The following GABRB3 variants were observed in gnomAD, a reference collection of about 807,000 sequenced individuals.
GABRB3 encodes the protein gamma-aminobutyric acid type A receptor subunit beta3.
GABRB3 carries 14 observed loss-of-function variants against 52.1 expected under a neutral mutation model. The ratio of observed to expected loss-of-function variants is 0.27; its 90% CI spans 0.18 to 0.42. The LOEUF (loss-of-function observed/expected upper bound fraction) is 0.42. Ranked by LOEUF, GABRB3 falls within the 10% of genes least tolerant of loss-of-function variation. The pLI is 1.00. For synonymous variants in GABRB3, 260 were observed against 232.3 expected (o/e 1.12, Z -1.08); for missense variants, 307 against 609.1 (o/e 0.50, Z 5.22).
chr15:26,652,086 A>C lies in GABRB3; in HGVS notation c.241-30552T>G, dbSNP rs950655179. On this transcript the variant is annotated intron_variant, in intron 3 of 8. Transcript: ENST00000311550. ...CCTATGAGCCTTCCTCTACATAACA[A>C]GAGCCTTAGCCCCACAACCCCCTTA... is the stretch of plus-strand genomic sequence containing the variant. Among the ~76,000 whole-genome samples, 8 of 152,272 alleles carry C rather than the reference A, an allele frequency of 5.3e-5. No homozygotes were observed. The East Asian group carries it at 5.8e-4, about 11-fold the overall frequency.
At chr15:26,553,943 T>C (rs1472036069) in intron 8 of GABRB3, among the ~76,000 whole-genome samples, 3 of 143,998 alleles carry the variant, frequency 2.1e-5, no homozygotes, top group Non-Finnish European at 3.0e-5. Context: ...GGCGTGACCA[T>C]AGCTCACAGC....
intron 4 of GABRB3, among the ~76,000 whole-genome samples, chr15:26,606,812 A>ATATC (rs1555370530): frequency 9.3e-4 from 70 of 75,404 alleles, no homozygotes; most frequent in Non-Finnish European, 1.2e-3. Context: ...ATCTATAGAT[A>ATATC]GATAGATAGA....
intron 4 of GABRB3, among the ~76,000 whole-genome samples, chr15:26,620,327 T>C (rs1427755461): frequency 6.6e-6 from 1 of 152,212 alleles, no homozygotes; most frequent in African/African-American, 2.4e-5. Flanking sequence ...TTTGAGGCTA[T>C]GTTAAATCAT....
chr15:26,772,206 C>CCAGG, intron 3 of GABRB3, 196 bp downstream of exon 3: 1 of 494,352 alleles, frequency 2.0e-6, no homozygotes, highest in Non-Finnish European at 3.5e-6. Context: ...CCGACGCCAG[C>CCAGG]CAGGCCCCCG....
intron 3 of GABRB3, among the ~76,000 whole-genome samples, chr15:26,672,571 C>A (rs553655115): frequency 6.6e-6 from 1 of 152,138 alleles, no homozygotes; most frequent in Non-Finnish European, 1.5e-5. Flanking sequence ...AGTTAGTAGG[C>A]CTTTTCTTCT....
intron 4 of GABRB3, among the ~76,000 whole-genome samples, chr15:26,602,267 T>C (rs1441058458): frequency 6.6e-6 from 1 of 152,036 alleles, no homozygotes; most frequent in African/African-American, 2.4e-5. Context: ...TAAACAAATA[T>C]TATAAGAGCC....
intron 3 of GABRB3, among the ~76,000 whole-genome samples, chr15:26,658,189 T>C (rs904234202): frequency 6.6e-6 from 1 of 152,112 alleles, no homozygotes; most frequent in Non-Finnish European, 1.5e-5. Context: ...AGAAGACAGT[T>C]TTGGTCCCTA....
intron 3 of GABRB3, among the ~76,000 whole-genome samples, chr15:26,769,757 G>A (rs538578858): frequency 3.3e-5 from 5 of 151,870 alleles, no homozygotes; most frequent in African/African-American, 4.8e-5. Flanking sequence ...AGCTTCTCTC[G>A]TCCCTCCTCC....
rs894178943 is a variant in GABRB3 at position 26,697,020 on chromosome 15, T to C, written c.240+75382A>G. Reference sequence around the variant, plus strand: ...AGAAATGATACATCAAAACTTGTGCTTTAAACACATTTATATCCAAACCCA... The same window carrying C: ...AGAAATGATACATCAAAACTTGTGCCTTAAACACATTTATATCCAAACCCA... On this transcript the variant is annotated intron_variant, in intron 3 of 8. Transcript: ENST00000311550. 2.0e-5 allele frequency among the ~76,000 whole-genome samples: 3 copies of C among 152,220 alleles called. No individual in the cohort carries two copies. The South Asian group carries it at 6.2e-4, about 31-fold the overall frequency.
chr15:26,688,081 G>C (rs12593415), intron 3 of GABRB3, among the ~76,000 whole-genome samples: 62,107 of 151,964 alleles, frequency 0.41, 13,553 homozygotes, highest in East Asian at 0.58. Flanking sequence ...TCATAATGAC[G>C]ACAAGACTGG....
chr15:26,722,300 G>C lies in GABRB3; in HGVS notation c.240+50102C>G, dbSNP rs78694342. Among the ~76,000 whole-genome samples the C allele has an allele frequency of 2.0e-5, 3 of 152,066 alleles. No homozygotes were observed. In the East Asian group the frequency reaches 5.8e-4, roughly 30 times the overall value. On this transcript the variant is annotated intron_variant, in intron 3 of 8. Transcript: ENST00000311550. Reference sequence around the variant, plus strand: ...AAGGGAGGAGACCTGAGCAGCAAATGACCAAGATCTCTGGACGGCTGTTTG... The same window carrying C: ...AAGGGAGGAGACCTGAGCAGCAAATCACCAAGATCTCTGGACGGCTGTTTG...
At position 26,762,826 on chromosome 15, in the gene GABRB3, C is replaced by T. The variant is rs543854456; in HGVS notation, c.240+9576G>A. 3.9e-5 allele frequency among the ~76,000 whole-genome samples: 6 copies of T among 152,248 alleles called. No homozygotes were observed. In the East Asian group the frequency reaches 9.6e-4, roughly 24 times the overall value. ...CATTAACATTCTATAGGACGGTGTT[C>T]TCCAAGCAACCATTGTTTTAGTCCA... On this transcript the variant is annotated intron_variant, in intron 3 of 8. Coordinates refer to ENST00000311550, the MANE Select transcript of GABRB3 (RefSeq NM_000814.6).
intron 4 of GABRB3, among the ~76,000 whole-genome samples, chr15:26,606,792 A>ATCGATAGATAGATAGATAGATATATC (rs1566770629): frequency 0.029 from 1,569 of 54,762 alleles, 45 homozygotes; most frequent in African/African-American, 0.061. Context: ...ATATATCTAT[A>ATCGATAGATAGATAGATAGATATATC]GATAGATATA....
At position 26,771,598 on chromosome 15, in the gene GABRB3, C is replaced by T. The variant is rs138582389; in HGVS notation, c.240+804G>A. ...CTCAATTAACAAATGAAAGGGCCATCCTTCTCCTGATTCCCTGGCGTCCTA... is the reference window on the plus strand; with the variant it reads ...CTCAATTAACAAATGAAAGGGCCATTCTTCTCCTGATTCCCTGGCGTCCTA... On this transcript the variant is annotated intron_variant, in intron 3 of 8. Coordinates refer to ENST00000311550, the MANE Select transcript of GABRB3 (RefSeq NM_000814.6). Among the ~76,000 whole-genome samples, 175 of 152,342 alleles carry T rather than the reference C, an allele frequency of 1.1e-3. 1 individual carries two copies. Among genetic ancestry groups the T allele is most frequent in the South Asian group, 3.9e-3 (19 of 4,832 alleles).
At chr15:26,595,812 T>G (rs1313616632) in intron 4 of GABRB3, among the ~76,000 whole-genome samples, 1 of 152,184 alleles carries the variant, frequency 6.6e-6, no homozygotes, top group Non-Finnish European at 1.5e-5. Flanking sequence ...CTTAAGCAGA[T>G]TCACACAGCA....
intron 3 of GABRB3, among the ~76,000 whole-genome samples, chr15:26,764,652 A>G (rs1890947127): frequency 6.6e-6 from 1 of 152,180 alleles, no homozygotes; most frequent in Admixed American, 6.5e-5. Flanking sequence ...CAAATCGCCA[A>G]GAGACCTATC....
At chr15:26,749,837 C>A (rs566342534) in intron 3 of GABRB3, 1 of 152,256 alleles carries the variant, frequency 6.6e-6, no homozygotes, top group African/African-American at 2.4e-5. Context: ...ATCTGGGATA[C>A]ATGAAAGGCA....
intron 3 of GABRB3, among the ~76,000 whole-genome samples, chr15:26,711,574 T>TC (rs1889297427): frequency 6.6e-6 from 1 of 152,042 alleles, no homozygotes; most frequent in Non-Finnish European, 1.5e-5. Context: ...CAACACTACC[T>TC]CCCCCGCCCC....
At chr15:26,685,135 T>C (rs1968318) in intron 3 of GABRB3, among the ~76,000 whole-genome samples, 148,937 of 152,250 alleles carry the variant, frequency 0.98, 72,938 homozygotes, top group East Asian at 1. Flanking sequence ...AAGCTCCAGG[T>C]GGTGACAAGT....
Sources: gnomAD v4.1 joint callset for allele counts (sites outside exome capture counted in the v4.1 genomes callset) on GRCh38, gnomAD v4.1.1 for gene constraint, MANE v1.5 for transcripts, NCBI Gene and HGNC (gene_info 2026-07-23, HGNC 2026-07-21) for gene names.